GATAD1: variants seen among roughly 807,000 people sequenced by gnomAD.
GATAD1 encodes GATA zinc finger domain-containing protein 1.
GATAD1 carries 12 observed loss-of-function variants against 26.5 expected under a neutral mutation model. The observed-to-expected ratio is 0.45, with a 90% CI of 0.29 to 0.73. GATAD1 has a LOEUF of 0.73. GATAD1 is among the 30% of genes least tolerant of loss of function. The pLI is 0.10. For synonymous variants in GATAD1, 129 were observed against 133.1 expected (o/e 0.97, Z 0.21); for missense variants, 266 against 342.1 (o/e 0.78, Z 1.75).
chr7:92,478,250 C>T, the GATAD1 span, among the ~76,000 whole-genome samples: 1 of 152,180 alleles, frequency 6.6e-6, no homozygotes, highest in Non-Finnish European at 1.5e-5. Flanking sequence ...AAAGGAAGCC[C>T]GCCCCAGGGA....
the GATAD1 span, chr7:92,491,523 A>G: frequency 1.4e-6 from 2 of 1,428,960 alleles, no homozygotes; most frequent in Admixed American, 1.7e-5. Flanking sequence ...CAAAAGGACA[A>G]CCAGTTTAAA....
chr7:92,494,629 T>C, the GATAD1 span: 1 of 1,613,846 alleles, frequency 6.2e-7, no homozygotes, highest in Non-Finnish European at 8.5e-7. Flanking sequence ...CAGCCTGTGC[T>C]CTGGGAAAAA....
chr7:92,467,731 G>A, the GATAD1 span, among the ~76,000 whole-genome samples: 3 of 152,242 alleles, frequency 2.0e-5, no homozygotes, highest in Non-Finnish European at 4.4e-5. Context: ...TTTAAGGACA[G>A]GAAGACTTTG....
chr7:92,469,823 A>G, the GATAD1 span: 1 of 770,386 alleles, frequency 1.3e-6, no homozygotes, highest in East Asian at 2.4e-5. Context: ...AGGCATATCC[A>G]ACAGTTAGTA....
At chr7:92,466,751 A>G in the GATAD1 span, among the ~76,000 whole-genome samples, 6 of 152,204 alleles carry the variant, frequency 3.9e-5, no homozygotes, top group Non-Finnish European at 7.3e-5. Flanking sequence ...ACCACTGGTC[A>G]CACAGTTCAT....
chr7:92,476,658 C>G, the GATAD1 span, among the ~76,000 whole-genome samples: 1 of 152,018 alleles, frequency 6.6e-6, no homozygotes, highest in African/African-American at 2.4e-5. Flanking sequence ...TCTCTCTCCT[C>G]TCTGTCTCTC....
chr7:92,470,616 T>C, the GATAD1 span: 1 of 433,848 alleles, frequency 2.3e-6, no homozygotes, highest in Non-Finnish European at 4.2e-6. Context: ...TATCTAGGGA[T>C]GGGGAATTAG....
chr7:92,447,539 G>A lies in GATAD1; in HGVS notation c.-191G>A. On this transcript the variant is annotated 5_prime_UTR_variant, in exon 1 of 5. Transcript: ENST00000287957. The stretch of plus-strand genomic sequence containing the variant: ...CAGGGAATCCTGGCCTCCGCCTGCG[G>A]AGCCGGCGGAACCCGCTTCCCGCCT... 1.7e-6 allele frequency: 1 copy of A among 603,854 alleles called. No homozygotes were observed. Among genetic ancestry groups the A allele is most frequent in the Non-Finnish European group, 2.4e-6 (1 of 412,576 alleles). 37.4% of individuals were successfully genotyped at this position (603,854 alleles called of 1,614,324 possible).
rs965477411 is a variant in GATAD1, at chr7:92,459,318, G to A, written c.*2756G>A. 9 of 151,862 alleles carry A rather than the reference G, an allele frequency of 5.9e-5. No individual in the cohort carries two copies. Among genetic ancestry groups the A allele is most frequent in the African/African-American group, 2.2e-4 (9 of 41,358 alleles). 9.4% of individuals were successfully genotyped at this position (151,862 alleles called of 1,614,324 possible). On this transcript the variant is annotated 3_prime_UTR_variant, in exon 5 of 5. Coordinates refer to ENST00000287957, the MANE Select transcript of GATAD1 (RefSeq NM_021167.5). Reference sequence around the variant, plus strand: ...AAATGGCTAATAAAATGAACACAATGTAAAACATTTATTAAAATGTAGACT... The same window carrying A: ...AAATGGCTAATAAAATGAACACAATATAAAACATTTATTAAAATGTAGACT...
At chr7:92,460,892 C>G (rs1789897669), downstream of GATAD1, among the ~76,000 whole-genome samples, 1 of 151,056 alleles carries the variant, frequency 6.6e-6, no homozygotes, top group Non-Finnish European at 1.5e-5. Flanking sequence ...TCCAAATTTT[C>G]TCTAACAAGC....
At position 92,447,972 on chromosome 7, in the gene GATAD1, C is replaced by T; in HGVS notation, c.243C>T (p.Gly81=). 1 of 1,222,112 alleles carries T rather than the reference C, an allele frequency of 8.2e-7. No homozygotes were observed. The highest frequency in any genetic ancestry group is 4.0e-5 in the South Asian group (1 of 24,912). The allele number at this position is 1,222,112 out of a possible 1,614,324, so 75.7% of individuals were successfully genotyped here. ...CGCAGAGCAACGGGGGCGGGGGCGG[C>T]AAGCAGGTGAGCTCCTCCGGCCCCT... ...TPPQSNGGGG[G]KQSKQEIHRR... The change falls in exon 1 of 5, where the codon GGC becomes GGT. Residue 81 remains glycine (G), a synonymous_variant. Coordinates refer to ENST00000287957, the MANE Select transcript of GATAD1 (RefSeq NM_021167.5).
chr7:92,458,411 A>G lies in GATAD1; in HGVS notation c.*1849A>G, dbSNP rs915917244. On this transcript the variant is annotated 3_prime_UTR_variant, in exon 5 of 5. Transcript: ENST00000287957. ...TCATTGGTAGGCCATTAGCATTGAT[A>G]TCTTTAAAACATCTACCCTAAACCA... 2 of 152,218 alleles carry G rather than the reference A, an allele frequency of 1.3e-5. No homozygotes were observed. The highest frequency in any genetic ancestry group is 3.8e-4 in the East Asian group (2 of 5,202). The allele number at this position is 152,218 out of a possible 1,614,324, so 9.4% of individuals were successfully genotyped here. A position where few individuals can be genotyped will look rare whatever the true frequency, so the allele number is the denominator to read the frequency against.
In GATAD1 at chr7:92,449,261, A is replaced by T. The variant is rs115197316; in HGVS notation, c.375+384A>T. The T allele has an allele frequency of 1.2e-3, 961 of 807,542 alleles. 5 individuals are homozygous for T. The highest frequency in any genetic ancestry group is 7.9e-3 in the African/African-American group (424 of 53,756). The allele number at this position is 807,542 out of a possible 1,614,324, so 50.0% of individuals were successfully genotyped here. On this transcript the variant is annotated intron_variant, in intron 2 of 4. Coordinates refer to ENST00000287957, the MANE Select transcript of GATAD1 (RefSeq NM_021167.5). Reference sequence around the variant, plus strand: ...TTTCATTCTTTAAAAATCTAAGTAAATATTAACACTAGAACTCATCATTTG... The same window carrying T: ...TTTCATTCTTTAAAAATCTAAGTAATTATTAACACTAGAACTCATCATTTG...
the GATAD1 span, among the ~76,000 whole-genome samples, chr7:92,473,699 G>A: frequency 1.2e-4 from 18 of 151,794 alleles, no homozygotes; most frequent in Non-Finnish European, 2.5e-4. Context: ...AGTATCTAGT[G>A]ACTGCCCGTC....
intron 1 of GATAD1, among the ~76,000 whole-genome samples, chr7:92,448,405 A>C (rs950058459): frequency 6.6e-6 from 1 of 152,110 alleles, no homozygotes; most frequent in Non-Finnish European, 1.5e-5. Context: ...TTAGGGAGTA[A>C]AGTTGTTAAG....
At chr7:92,492,775 T>C in the GATAD1 span, among the ~76,000 whole-genome samples, 12 of 152,218 alleles carry the variant, frequency 7.9e-5, no homozygotes, top group African/African-American at 2.9e-4. Context: ...TTCATAATTA[T>C]AAATTCTCTG....
the GATAD1 span, among the ~76,000 whole-genome samples, chr7:92,482,008 AG>A: frequency 6.6e-6 from 1 of 152,200 alleles, no homozygotes; most frequent in Non-Finnish European, 1.5e-5. Context: ...AAGGAGCAGG[AG>A]GGTGTCTTGT....
chr7:92,456,727 A>G lies in GATAD1; in HGVS notation c.*165A>G, dbSNP rs554422926. ...GTTCTCTAATATTCTTAGTACCACA[A>G]GATATGTCATAGGTATCTTTAAATG... On this transcript the variant is annotated 3_prime_UTR_variant, in exon 5 of 5. Transcript: ENST00000287957. 2 of 526,134 alleles carry G rather than the reference A, an allele frequency of 3.8e-6. No homozygotes were observed. The highest frequency in any genetic ancestry group is 3.1e-5 in the South Asian group (1 of 31,768). The allele number at this position is 526,134 out of a possible 1,614,324, so 32.6% of individuals were successfully genotyped here. A position where few individuals can be genotyped will look rare whatever the true frequency, so the allele number is the denominator to read the frequency against.
chr7:92,474,174 C>G, the GATAD1 span, among the ~76,000 whole-genome samples: 1 of 151,916 alleles, frequency 6.6e-6, no homozygotes, highest in African/African-American at 2.4e-5. Flanking sequence ...TGTCCTGTTC[C>G]GCCTGCTCCT....
Sources: allele counts gnomAD v4.1 joint callset (sites outside exome capture counted in the v4.1 genomes callset), GRCh38; gene constraint gnomAD v4.1.1; transcripts MANE v1.5; gene names NCBI Gene and HGNC (gene_info 2026-07-23, HGNC 2026-07-21).